MAMDC2: variants seen among roughly 807,000 people sequenced by gnomAD.
MAMDC2 encodes MAM domain containing 2, also known as MAM domain-containing protein 2.
A neutral mutation model predicts 89.8 loss-of-function variants in MAMDC2; 57 were observed. That is an observed-to-expected ratio of 0.63 (90% CI 0.51 to 0.79). The LOEUF is 0.79. MAMDC2 is among the 30% of genes least tolerant of loss of function. MAMDC2 has a pLI of 0.00. For missense variants in MAMDC2, 800 were observed against 820.6 expected, an observed-to-expected ratio of 0.97 and a Z score of 0.31; for synonymous variants, 313 against 293.4, an observed-to-expected ratio of 1.07 and a Z score of -0.68.
chr9:70,208,158 A>G (rs1236918113), intron 11 of MAMDC2, among the ~76,000 whole-genome samples: 1 of 152,120 alleles, frequency 6.6e-6, no homozygotes, highest in African/African-American at 2.4e-5. Flanking sequence ...GTTTTTTCCA[A>G]TTCTGTGAAG....
intron 12 of MAMDC2, among the ~76,000 whole-genome samples, chr9:70,221,380 T>TATATATATATAGAGAGAGAGAG: frequency 1.4e-4 from 1 of 7,042 alleles, no homozygotes; most frequent in Non-Finnish European, 2.6e-4. Flanking sequence ...TATATATATA[T>TATATATATATAGAGAGAGAGAG]AGAGAGAGAG....
At chr9:70,059,719 T>A (rs1827104897) in intron 2 of MAMDC2, among the ~76,000 whole-genome samples, 1 of 152,194 alleles carries the variant, frequency 6.6e-6, no homozygotes, top group Non-Finnish European at 1.5e-5. Flanking sequence ...TCTTCATCGT[T>A]TTTTCCAGAG....
chr9:70,149,398 C>A (rs973048476), intron 9 of MAMDC2, among the ~76,000 whole-genome samples: 1 of 151,974 alleles, frequency 6.6e-6, no homozygotes, highest in Non-Finnish European at 1.5e-5. Context: ...GGGAAGCTGT[C>A]GGGCTGCAGT....
At position 70,168,767 on chromosome 9, in the gene MAMDC2, A is replaced by T; in HGVS notation, c.1470A>T (p.Thr490=). 1 of 1,614,088 alleles carries T rather than the reference A, an allele frequency of 6.2e-7. No individual in the cohort carries two copies. The highest frequency in any genetic ancestry group is 8.5e-7 in the Non-Finnish European group (1 of 1,179,972). The stretch of plus-strand genomic sequence containing the variant: ...GGCTTGTAGCCCTGGATGACATTAC[A>T]ATACAATTGGGAAGCTGCTCATCTT... ...DCGLVALDDI[T]IQLGSCSSSE... is the part of the protein sequence containing the mutation. The change falls in exon 10 of 14, where the codon ACA becomes ACT. Residue 490 remains threonine, a synonymous_variant. Coordinates refer to ENST00000377182, the MANE Select transcript of MAMDC2 (RefSeq NM_153267.5).
At chr9:70,108,609 T>A in intron 3 of MAMDC2, 127 bp downstream of exon 3, 1 of 753,718 alleles carries the variant, frequency 1.3e-6, no homozygotes, top group Non-Finnish European at 2.0e-6. Context: ...TTTCATAAGA[T>A]ACATACCATA....
At chr9:70,138,621 AG>A (rs1455334617) in intron 7 of MAMDC2, among the ~76,000 whole-genome samples, 9 of 152,176 alleles carry the variant, frequency 5.9e-5, no homozygotes, top group South Asian at 2.1e-4. Flanking sequence ...GATATCGTGT[AG>A]TTTTAATTTG....
intron 1 of MAMDC2, 22 bp downstream of exon 1, chr9:70,044,253 A>G: frequency 6.2e-7 from 1 of 1,610,770 alleles, no homozygotes; most frequent in Non-Finnish European, 8.5e-7. Context: ...ACCCCGGGAC[A>G]ACCCCGGGGG....
chr9:70,185,600 G>T (rs1015745860), intron 11 of MAMDC2, among the ~76,000 whole-genome samples: 4 of 152,152 alleles, frequency 2.6e-5, no homozygotes, highest in African/African-American at 9.7e-5. Context: ...AGTGATCTAG[G>T]GAGGCAGTCT....
intron 2 of MAMDC2, among the ~76,000 whole-genome samples, chr9:70,056,832 C>T (rs80240338): frequency 0.016 from 2,392 of 152,182 alleles, 65 homozygotes; most frequent in African/African-American, 0.054. Context: ...AGATCAGCAG[C>T]GGCATTAGAT....
chr9:70,159,244 G>C (rs560267489), intron 9 of MAMDC2, among the ~76,000 whole-genome samples: 2 of 152,184 alleles, frequency 1.3e-5, no homozygotes, highest in South Asian at 2.1e-4. Context: ...TCTACATCTA[G>C]GGATTTATCA....
At chr9:70,190,413 C>T (rs1461127407) in intron 11 of MAMDC2, among the ~76,000 whole-genome samples, 2 of 152,124 alleles carry the variant, frequency 1.3e-5, no homozygotes, top group African/African-American at 4.8e-5. Flanking sequence ...ACCAACAGAT[C>T]CCCCAGAACA....
chr9:70,150,404 T>C (rs1200564882), intron 9 of MAMDC2, among the ~76,000 whole-genome samples: 6 of 152,214 alleles, frequency 3.9e-5, no homozygotes, highest in African/African-American at 1.2e-4. Context: ...TCTGAGCCTA[T>C]TGAGCTTAGC....
At position 70,126,210 on chromosome 9, in the gene MAMDC2, C is replaced by T. The variant is rs1367951230; in HGVS notation, c.695C>T (p.Ala232Val). The T allele has an allele frequency of 1.2e-6, 2 of 1,613,628 alleles. No homozygotes were observed. Among genetic ancestry groups the T allele is most frequent in the African/African-American group, 1.3e-5 (1 of 74,780 alleles). The change falls in exon 6 of 14, where the codon GCA becomes GTA. Residue 232 changes from alanine (A) to valine (V), a missense_variant. Physicochemically the swap from Ala to Val is moderately conservative, Grantham distance 64. Transcript: ENST00000377182. ...SVYVKHFQEVAQLISPLTTAP... is the reference protein window; with the variant it reads ...SVYVKHFQEVVQLISPLTTAP... Reference sequence around the variant, plus strand: ...TATGTGAAGCACTTCCAGGAGGTGGCACAGCTCATCTCCCCGTTGACCACG... The same window carrying T: ...TATGTGAAGCACTTCCAGGAGGTGGTACAGCTCATCTCCCCGTTGACCACG...
rs770593711 is a variant in MAMDC2, at chr9:70,168,742, G to A, written c.1445G>A (p.Gly482Glu). The A allele has an allele frequency of 2.4e-5, 39 of 1,613,910 alleles. No individual in the cohort carries two copies. The highest frequency in any genetic ancestry group is 3.3e-5 in the Non-Finnish European group (39 of 1,179,990). The change falls in exon 10 of 14, where the codon GGG becomes GAG. Residue 482 changes from glycine to glutamate, a missense_variant. Physicochemically the swap from Gly to Glu is moderately conservative, Grantham distance 98. Transcript: ENST00000377182. Reference sequence around the variant, plus strand: ...CTATGCAAAAGTTTCTGGGACTGTGGGCTTGTAGCCCTGGATGACATTACA... The same window carrying A: ...CTATGCAAAAGTTTCTGGGACTGTGAGCTTGTAGCCCTGGATGACATTACA... ...MSLCKSFWDC[G>E]LVALDDITIQ...
chr9:70,225,906 T>C lies in MAMDC2; in HGVS notation c.1997-62T>C, dbSNP rs1189598867. On this transcript the variant is annotated intron_variant, in intron 13 of 13. Coordinates refer to ENST00000377182, the MANE Select transcript of MAMDC2 (RefSeq NM_153267.5). ...GCGATACTGTCTCAAACTACAAGAA[T>C]ACAAATTAAATATTTTTCTATAATA... 4 of 1,464,396 alleles carry C rather than the reference T, an allele frequency of 2.7e-6. No homozygotes were observed. The African/African-American group carries it at 4.3e-5, about 16-fold the overall frequency. 90.7% of individuals were successfully genotyped at this position (1,464,396 alleles called of 1,614,324 possible). A position where few individuals can be genotyped will look rare whatever the true frequency, so the allele number is the denominator to read the frequency against.
intron 9 of MAMDC2, among the ~76,000 whole-genome samples, chr9:70,145,693 A>G (rs897459040): frequency 1.3e-5 from 2 of 152,072 alleles, no homozygotes; most frequent in Non-Finnish European, 2.9e-5. Context: ...TTAAAGGAGG[A>G]TAAAATAAGC....
intron 11 of MAMDC2, among the ~76,000 whole-genome samples, chr9:70,191,695 C>T (rs1252420767): frequency 6.6e-6 from 1 of 152,032 alleles, no homozygotes; most frequent in Admixed American, 6.6e-5. Flanking sequence ...TTCTGTTTTG[C>T]TAGCCTACTT....
chr9:70,171,891 A>C (rs1480664949), intron 11 of MAMDC2: 1 of 152,238 alleles, frequency 6.6e-6, no homozygotes, highest in Non-Finnish European at 1.5e-5. Flanking sequence ...AATTTGTGTT[A>C]GGCCATATTC....
intron 9 of MAMDC2, 70 bp downstream of exon 9, chr9:70,143,889 C>T: frequency 6.5e-7 from 1 of 1,535,572 alleles, no homozygotes; most frequent in South Asian, 1.2e-5. Flanking sequence ...GTCCGTCTAG[C>T]TACTGTCAAC....
Sources: gnomAD v4.1 joint callset for allele counts (sites outside exome capture counted in the v4.1 genomes callset) on GRCh38, gnomAD v4.1.1 for gene constraint, MANE v1.5 for transcripts, NCBI Gene and HGNC (gene_info 2026-07-23, HGNC 2026-07-21) for gene names.